Variants in SUPT3H observed in about 807,000 individuals in gnomAD.
SUPT3H encodes the protein transcription initiation protein SPT3 homolog.
SUPT3H carries 44 observed loss-of-function variants against 44.3 expected under a neutral mutation model. The observed-to-expected ratio is 0.99, with a 90% CI of 0.78 to 1.28. The LOEUF (loss-of-function observed/expected upper bound fraction) is 1.28, where lower values mean the gene tolerates loss of function less well. SUPT3H is among the 50% of genes most tolerant of loss of function. The probability of loss-of-function intolerance (pLI) is 0.00; values close to 1 mark genes in which losing one functional copy is unlikely to be tolerated. For missense variants in SUPT3H, 380 were observed against 387.1 expected (o/e 0.98, Z 0.15); for synonymous variants, 124 against 125.6 (o/e 0.99, Z 0.09).
chr6:45,005,186 T>C (rs1020324706), intron 5 of SUPT3H, among the ~76,000 whole-genome samples: 7 of 152,304 alleles, frequency 4.6e-5, no homozygotes, highest in South Asian at 2.1e-4. Flanking sequence ...GCCTAATAAA[T>C]GTAAAGTGAT....
intron 2 of SUPT3H, among the ~76,000 whole-genome samples, chr6:45,297,691 A>G (rs1384488564): frequency 1.3e-5 from 2 of 152,212 alleles, no homozygotes; most frequent in Non-Finnish European, 2.9e-5. Context: ...ACACATGTTC[A>G]TAATGAACTT....
intron 9 of SUPT3H, among the ~76,000 whole-genome samples, chr6:44,947,158 A>G (rs1374871895): frequency 6.6e-6 from 1 of 152,232 alleles, no homozygotes; most frequent in Non-Finnish European, 1.5e-5. Flanking sequence ...CTTATAGACT[A>G]CAGTATAGCG....
At chr6:45,272,338 G>C (rs1482388356) in intron 2 of SUPT3H, among the ~76,000 whole-genome samples, 1 of 152,118 alleles carries the variant, frequency 6.6e-6, no homozygotes, top group Non-Finnish European at 1.5e-5. Flanking sequence ...ACTGAATCAT[G>C]GGGGCAGGTT....
intron 6 of SUPT3H, among the ~76,000 whole-genome samples, chr6:44,985,200 T>TA (rs1779611775): frequency 2.4e-5 from 1 of 41,096 alleles, no homozygotes; most frequent in African/African-American, 9.7e-5. Flanking sequence ...AATAAATAAA[T>TA]AAATAAATAA....
chr6:44,843,245 G>A lies in SUPT3H; in HGVS notation c.913-13388C>T, dbSNP rs143115890. ...ACAAAAATAGACAGGCAAGAACAAT[G>A]GTGCTGTACAATCTGATAAAAGACA... On this transcript the variant is annotated intron_variant, in intron 10 of 10. Coordinates refer to ENST00000371459, the MANE Select transcript of SUPT3H (RefSeq NM_003599.4). 3.6e-3 allele frequency among the ~76,000 whole-genome samples: 544 copies of A among 152,106 alleles called. 8 individuals are homozygous for A. Among genetic ancestry groups the A allele is most frequent in the African/African-American group, 0.012 (508 of 41,494 alleles).
At position 44,903,055 on chromosome 6, in the gene SUPT3H, C is replaced by G. The variant is rs573509323; in HGVS notation, c.912+29598G>C. Among the ~76,000 whole-genome samples the G allele has an allele frequency of 3.9e-5, 6 of 152,118 alleles. No individual in the cohort carries two copies. The South Asian group carries it at 1.0e-3, about 26-fold the overall frequency. ...AGTGTGTAGAGGGAAATTTATAGCA[C>G]TAAATGCCCACAAGAGAAAGCAGGA... On this transcript the variant is annotated intron_variant, in intron 10 of 10. Coordinates refer to ENST00000371459, the MANE Select transcript of SUPT3H (RefSeq NM_003599.4).
At chr6:45,191,986 C>T (rs1220287149) in intron 2 of SUPT3H, among the ~76,000 whole-genome samples, 1 of 152,080 alleles carries the variant, frequency 6.6e-6, no homozygotes, top group East Asian at 1.9e-4. Flanking sequence ...TCAGTCTCCT[C>T]ATATTCACTT....
At chr6:44,866,062 A>G (rs980719851) in intron 10 of SUPT3H, among the ~76,000 whole-genome samples, 3 of 151,832 alleles carry the variant, frequency 2.0e-5, no homozygotes, top group Non-Finnish European at 4.4e-5. Flanking sequence ...AAATTACAGA[A>G]ATGTTGAGGT....
intron 2 of SUPT3H, chr6:45,328,180 C>G (rs563673110): frequency 4.2e-5 from 37 of 876,864 alleles, no homozygotes; most frequent in Admixed American, 1.8e-4. Flanking sequence ...AGAGAAAGAG[C>G]AAGGGGGAAA....
intron 3 of SUPT3H, among the ~76,000 whole-genome samples, chr6:45,079,655 G>A (rs1412817977): frequency 6.6e-6 from 1 of 152,104 alleles, no homozygotes; most frequent in Non-Finnish European, 1.5e-5. Flanking sequence ...TACATCTACA[G>A]TGAACTCACT....
chr6:45,113,089 G>C (rs1322102792), intron 2 of SUPT3H, among the ~76,000 whole-genome samples: 1 of 121,490 alleles, frequency 8.2e-6, no homozygotes, highest in Non-Finnish European at 1.7e-5. Context: ...GTAACTTGCT[G>C]TCCCCAAAAG....
chr6:44,944,656 G>T (rs932932874), intron 9 of SUPT3H, among the ~76,000 whole-genome samples: 13 of 147,270 alleles, frequency 8.8e-5, no homozygotes, highest in Middle Eastern at 3.2e-3. Flanking sequence ...CAGCTACTCA[G>T]GAAGCTGAGG....
At chr6:45,058,334 T>C (rs781251817) in intron 3 of SUPT3H, among the ~76,000 whole-genome samples, 1 of 152,126 alleles carries the variant, frequency 6.6e-6, no homozygotes, top group Non-Finnish European at 1.5e-5. Context: ...AGTTTCCTCA[T>C]CTGGAAAACA....
chr6:45,348,650 G>A (rs1791414251), intron 2 of SUPT3H, among the ~76,000 whole-genome samples: 2 of 149,994 alleles, frequency 1.3e-5, no homozygotes, highest in Non-Finnish European at 3.0e-5. Flanking sequence ...ACTCCAGCCT[G>A]GGTGACAAAG....
chr6:45,239,268 C>G (rs1219294699), intron 2 of SUPT3H, among the ~76,000 whole-genome samples: 3 of 152,316 alleles, frequency 2.0e-5, no homozygotes, highest in South Asian at 4.1e-4. Flanking sequence ...ACCCTTTTTA[C>G]GTTACTCATA....
At chr6:45,158,209 TAG>T (rs1808191355) in intron 2 of SUPT3H, among the ~76,000 whole-genome samples, 2 of 106,520 alleles carry the variant, frequency 1.9e-5, no homozygotes, top group African/African-American at 1.1e-4. Context: ...TAGAGATAGA[TAG>T]ATAGATAGAT....
At chr6:45,071,665 GAGT>G (rs201682649) in intron 3 of SUPT3H, among the ~76,000 whole-genome samples, 6,504 of 152,200 alleles carry the variant, frequency 0.043, 180 homozygotes, top group Admixed American at 0.078. Flanking sequence ...TTTGGGACTA[GAGT>G]CCTACTGAGA....
chr6:44,849,088 T>C (rs899749778), intron 10 of SUPT3H, among the ~76,000 whole-genome samples: 16 of 152,226 alleles, frequency 1.1e-4, no homozygotes, highest in African/African-American at 3.6e-4. Flanking sequence ...CGTAATTTCA[T>C]GAAGTGCCTA....
intron 2 of SUPT3H, among the ~76,000 whole-genome samples, chr6:45,225,584 T>G (rs1766805795): frequency 1.3e-5 from 2 of 152,172 alleles, no homozygotes; most frequent in Admixed American, 1.3e-4. Flanking sequence ...GATTACTACT[T>G]TCTTCCACTA....
Sources: allele counts gnomAD v4.1 joint callset (sites outside exome capture counted in the v4.1 genomes callset), GRCh38; gene constraint gnomAD v4.1.1; transcripts MANE v1.5; gene names NCBI Gene and HGNC (gene_info 2026-07-23, HGNC 2026-07-21).